Variants in PTPRG observed in about 807,000 individuals in gnomAD.
PTPRG encodes the protein receptor-type tyrosine-protein phosphatase gamma.
A neutral mutation model predicts 165.3 loss-of-function variants in PTPRG; 102 were observed. The observed-to-expected ratio is 0.62, with a 90% CI of 0.53 to 0.73. PTPRG has a LOEUF of 0.73. Among genes scored for constraint, PTPRG ranks in the 30% least tolerant of loss-of-function variants. The probability of loss-of-function intolerance (pLI) is 0.00; values close to 1 mark genes in which losing one functional copy is unlikely to be tolerated. For missense variants in PTPRG, 1,866 were observed against 1,861.4 expected (o/e 1.00, Z -0.05); for synonymous variants, 675 against 669.5 (o/e 1.01, Z -0.13).
intron 4 of PTPRG, among the ~76,000 whole-genome samples, chr3:62,055,756 A>G (rs1700612193): frequency 1.3e-5 from 2 of 152,120 alleles, no homozygotes; most frequent in South Asian, 4.1e-4. Flanking sequence ...TAGATGCATC[A>G]CTTGCCTTCA....
chr3:62,030,441 A>G (rs1463335112), intron 4 of PTPRG, among the ~76,000 whole-genome samples: 3 of 152,230 alleles, frequency 2.0e-5, no homozygotes, highest in African/African-American at 4.8e-5. Flanking sequence ...TTTTTAATGA[A>G]TGCTACATTT....
At chr3:61,861,588 T>G (rs1446992568) in intron 2 of PTPRG, among the ~76,000 whole-genome samples, 1 of 152,228 alleles carries the variant, frequency 6.6e-6, no homozygotes, top group Non-Finnish European at 1.5e-5. Flanking sequence ...AGTACTGTTC[T>G]CTGCTATTGG....
intron 2 of PTPRG, among the ~76,000 whole-genome samples, chr3:61,840,770 TTTTG>T (rs1302534234): frequency 3.5e-4 from 43 of 121,356 alleles, no homozygotes; most frequent in South Asian, 1.2e-3. Context: ...ATGGAGTTTT[TTTTG>T]TTTGTTTGTT....
intron 3 of PTPRG, among the ~76,000 whole-genome samples, chr3:62,000,939 T>G (rs1275961154): frequency 6.6e-6 from 1 of 152,198 alleles, no homozygotes; most frequent in African/African-American, 2.4e-5. Flanking sequence ...ACTGCAGTAA[T>G]TATCACCATT....
intron 4 of PTPRG, among the ~76,000 whole-genome samples, chr3:62,022,046 A>C (rs1184731106): frequency 6.6e-6 from 1 of 152,092 alleles, no homozygotes; most frequent in Non-Finnish European, 1.5e-5. Flanking sequence ...AATTTACGTT[A>C]AATTTTATTC....
chr3:61,566,540 C>T (rs1699919401), intron 1 of PTPRG, among the ~76,000 whole-genome samples: 1 of 152,200 alleles, frequency 6.6e-6, no homozygotes, highest in African/African-American at 2.4e-5. Context: ...TGGAGTCTCA[C>T]TCTGTCACCC....
At chr3:62,021,152 A>G (rs1050270369) in intron 4 of PTPRG, among the ~76,000 whole-genome samples, 5 of 152,190 alleles carry the variant, frequency 3.3e-5, no homozygotes, top group Admixed American at 1.3e-4. Context: ...TGGGAATTAA[A>G]CTGTAATACT....
At chr3:62,186,487 A>G (rs1705890748) in intron 8 of PTPRG, among the ~76,000 whole-genome samples, 1 of 151,544 alleles carries the variant, frequency 6.6e-6, no homozygotes, top group Admixed American at 6.6e-5. Context: ...GGAGGGAAGC[A>G]GTGAGAGTGC....
Position 62,233,262 on chromosome 3 carries a change from C to G in PTPRG, c.2375+1951C>G, listed in dbSNP as rs1210222375. Among the ~76,000 whole-genome samples, 1 of 152,110 alleles carries G rather than the reference C, an allele frequency of 6.6e-6. No individual in the cohort carries two copies. The highest frequency in any genetic ancestry group is 1.5e-5 in the Non-Finnish European group (1 of 68,016). On this transcript the variant is annotated intron_variant, in intron 14 of 29. Transcript: ENST00000474889. The surrounding 1 kb of genome is among the most constrained non-coding windows in gnomAD (Gnocchi z 4.7). ...AAAACGATATGGGCCAGATACAGAT[C>G]CTGTCCTCAAGGGGCGCCATGTCTG...
intron 2 of PTPRG, among the ~76,000 whole-genome samples, chr3:61,940,683 T>TAA (rs1553694289): frequency 6.7e-6 from 1 of 148,588 alleles, no homozygotes; most frequent in South Asian, 2.2e-4. Context: ...TTTATTTTTT[T>TAA]GACAGAGTCT....
intron 4 of PTPRG, among the ~76,000 whole-genome samples, chr3:62,065,500 G>A (rs1700982622): frequency 6.6e-6 from 1 of 152,290 alleles, no homozygotes; most frequent in Non-Finnish European, 1.5e-5. Flanking sequence ...CCTGCTGGAA[G>A]CCAGATTCAT....
At chr3:61,598,399 G>A (rs1176362779) in intron 1 of PTPRG, among the ~76,000 whole-genome samples, 1 of 152,160 alleles carries the variant, frequency 6.6e-6, no homozygotes, top group Non-Finnish European at 1.5e-5. Context: ...CTTTTACCCT[G>A]GAGATTCCTT....
intron 1 of PTPRG, among the ~76,000 whole-genome samples, 173 bp downstream of exon 1, chr3:61,562,545 A>T (rs1032705512): frequency 1.7e-4 from 22 of 126,498 alleles, no homozygotes; most frequent in African/African-American, 6.9e-4. Context: ...GATGATGTTT[A>T]GGGAGGCAGG....
chr3:61,727,077 A>G (rs920567784), intron 1 of PTPRG, among the ~76,000 whole-genome samples: 1 of 151,982 alleles, frequency 6.6e-6, no homozygotes, highest in African/African-American at 2.4e-5. Context: ...GAGCTATTGA[A>G]TTTAATTTTG....
At chr3:62,170,250 TA>T (rs199560352) in intron 8 of PTPRG, among the ~76,000 whole-genome samples, 1 of 150,388 alleles carries the variant, frequency 6.6e-6, no homozygotes. Flanking sequence ...TTAACCTAGT[TA>T]AAAAAAAATG....
At chr3:61,765,339 G>A (rs1224206272) in intron 2 of PTPRG, among the ~76,000 whole-genome samples, 6 of 152,190 alleles carry the variant, frequency 3.9e-5, no homozygotes, top group African/African-American at 1.4e-4. Flanking sequence ...TGGAGGTGAT[G>A]AATGTTGATT....
intron 6 of PTPRG, among the ~76,000 whole-genome samples, chr3:62,151,076 C>G (rs1366977148): frequency 6.6e-6 from 1 of 152,156 alleles, no homozygotes; most frequent in Non-Finnish European, 1.5e-5. Context: ...CATTTTTAAT[C>G]CAATTATCCA....
At chr3:61,945,682 A>C (rs1035534834) in intron 2 of PTPRG, among the ~76,000 whole-genome samples, 1 of 152,170 alleles carries the variant, frequency 6.6e-6, no homozygotes, top group Non-Finnish European at 1.5e-5. Flanking sequence ...GGAGAGTATA[A>C]TAGCAGGCTG....
At chr3:62,113,414 A>G (rs1702739717) in intron 5 of PTPRG, among the ~76,000 whole-genome samples, 1 of 152,196 alleles carries the variant, frequency 6.6e-6, no homozygotes, top group Admixed American at 6.5e-5. Context: ...ATATTTAAAT[A>G]CTTATTTATA....
Sources: allele counts gnomAD v4.1 joint callset (sites outside exome capture counted in the v4.1 genomes callset), GRCh38; gene constraint gnomAD v4.1.1; non-coding constraint Gnocchi (gnomAD v3.1); transcripts MANE v1.5; gene names NCBI Gene and HGNC (gene_info 2026-07-23, HGNC 2026-07-21).